Variants in ZDHHC14 observed in about 807,000 individuals in gnomAD.
The protein encoded by ZDHHC14 is zDHHC palmitoyltransferase 14.
ZDHHC14 carries 16 observed loss-of-function variants against 47.7 expected under a neutral mutation model. The observed-to-expected ratio is 0.34, with a 90% CI of 0.23 to 0.51. The LOEUF (loss-of-function observed/expected upper bound fraction) is 0.51. Ranked by LOEUF, ZDHHC14 falls within the 20% of genes least tolerant of loss-of-function variation. The pLI is 0.97. For missense variants in ZDHHC14, 515 were observed against 662.5 expected, an observed-to-expected ratio of 0.78 and a Z score of 2.44; for synonymous variants, 293 against 278.9, an observed-to-expected ratio of 1.05 and a Z score of -0.50.
intron 1 of ZDHHC14, among the ~76,000 whole-genome samples, chr6:157,441,075 T>G (rs1562425829): frequency 1.3e-5 from 2 of 152,254 alleles, no homozygotes; most frequent in Admixed American, 1.3e-4. Context: ...GATTTCCTTT[T>G]CTGTCTCTTT....
At position 157,495,695 on chromosome 6, in the gene ZDHHC14, A is replaced by ATTTTTTTTTTT. The variant is rs71027341; in HGVS notation, c.246-46873_246-46863dup. 2.1e-3 allele frequency among the ~76,000 whole-genome samples: 217 copies of ATTTTTTTTTTT among 104,334 alleles called. 10 individuals carry two copies. The highest frequency in any genetic ancestry group is 7.4e-3 in the Admixed American group (59 of 7,930). 68.4% of individuals were successfully genotyped at this position (104,334 alleles called of 152,430 possible). ...GGAAATGTTGAGAAGTTCGGGTTGA[A>ATTTTTTTTTTT]TTTTTTTTTTTTTTTTTTTTTTTTT... is the stretch of plus-strand genomic sequence containing the variant. On this transcript the variant is annotated intron_variant, in intron 1 of 8. Transcript: ENST00000359775.
intron 3 of ZDHHC14, among the ~76,000 whole-genome samples, chr6:157,611,037 T>A (rs551260370): frequency 6.6e-6 from 1 of 152,354 alleles, no homozygotes; most frequent in South Asian, 2.1e-4. Flanking sequence ...TTTTGTTTTT[T>A]GAGACAGGGT....
intron 3 of ZDHHC14, among the ~76,000 whole-genome samples, chr6:157,620,611 G>A (rs1785150339): frequency 6.6e-6 from 1 of 152,210 alleles, no homozygotes; most frequent in African/African-American, 2.4e-5. Context: ...CCACACATGG[G>A]CAGGTTCTTT....
chr6:157,659,364 C>T (rs1455075880), intron 8 of ZDHHC14, among the ~76,000 whole-genome samples: 1 of 152,232 alleles, frequency 6.6e-6, no homozygotes, highest in Admixed American at 6.5e-5. Context: ...GGTCTCCGGG[C>T]CCCGCACTGT....
intron 8 of ZDHHC14, among the ~76,000 whole-genome samples, chr6:157,668,897 C>T (rs759619476): frequency 1.3e-5 from 2 of 152,172 alleles, no homozygotes; most frequent in African/African-American, 4.8e-5. Flanking sequence ...CATGGCAAAG[C>T]ACCAGTAGGT....
chr6:157,612,062 G>GC (rs1188012293), intron 3 of ZDHHC14, among the ~76,000 whole-genome samples: 2 of 152,112 alleles, frequency 1.3e-5, no homozygotes, highest in Non-Finnish European at 2.9e-5. Flanking sequence ...CTGAGGGCCA[G>GC]CCCCATTCAC....
At chr6:157,668,522 T>TAAA (rs34696696) in intron 8 of ZDHHC14, among the ~76,000 whole-genome samples, 6 of 123,930 alleles carry the variant, frequency 4.8e-5, no homozygotes, top group Non-Finnish European at 1.7e-5. Context: ...CCATCTCCAC[T>TAAA]AAAAAAAAAA....
At chr6:157,492,129 C>T (rs915975308) in intron 1 of ZDHHC14, among the ~76,000 whole-genome samples, 2 of 151,798 alleles carry the variant, frequency 1.3e-5, no homozygotes, top group African/African-American at 4.8e-5. Flanking sequence ...CCCCTCTCAC[C>T]GGGGAGGAAA....
At chr6:157,555,216 G>A (rs936671895) in intron 2 of ZDHHC14, among the ~76,000 whole-genome samples, 6 of 152,092 alleles carry the variant, frequency 3.9e-5, no homozygotes, top group Non-Finnish European at 5.9e-5. Context: ...TGAGGTTTTC[G>A]TATCTTACAT....
At chr6:157,434,827 C>T (rs1454565514) in intron 1 of ZDHHC14, among the ~76,000 whole-genome samples, 2 of 152,120 alleles carry the variant, frequency 1.3e-5, no homozygotes, top group African/African-American at 2.4e-5. Flanking sequence ...AAACTGGACC[C>T]GCTCCATGAC....
intron 1 of ZDHHC14, among the ~76,000 whole-genome samples, chr6:157,531,591 C>T (rs1226094385): frequency 1.3e-5 from 2 of 152,052 alleles, no homozygotes; most frequent in Non-Finnish European, 2.9e-5. Context: ...TGATTTGCCC[C>T]ACCCCCCAAC....
chr6:157,488,102 G>A (rs1341430177), intron 1 of ZDHHC14, among the ~76,000 whole-genome samples: 3 of 152,272 alleles, frequency 2.0e-5, no homozygotes, highest in South Asian at 2.1e-4. Flanking sequence ...TACCCACCAC[G>A]CAACCCCACC....
At chr6:157,522,156 A>C (rs1163786719) in intron 1 of ZDHHC14, among the ~76,000 whole-genome samples, 1 of 152,022 alleles carries the variant, frequency 6.6e-6, no homozygotes, top group Non-Finnish European at 1.5e-5. Context: ...TGACCTCAAT[A>C]CCTACCCGTA....
At chr6:157,544,147 A>T (rs1429764784) in intron 2 of ZDHHC14, among the ~76,000 whole-genome samples, 1 of 152,196 alleles carries the variant, frequency 6.6e-6, no homozygotes, top group African/African-American at 2.4e-5. Flanking sequence ...GAGGAGAGAG[A>T]GGGAAGTCAA....
chr6:157,542,858 A>C, intron 2 of ZDHHC14, 113 bp downstream of exon 2: 1 of 1,336,736 alleles, frequency 7.5e-7, no homozygotes. Context: ...GGAAGGAAGG[A>C]GGCCAGAAGT....
At chr6:157,576,289 A>G (rs1783305789) in intron 2 of ZDHHC14, among the ~76,000 whole-genome samples, 1 of 152,268 alleles carries the variant, frequency 6.6e-6, no homozygotes, top group African/African-American at 2.4e-5. Context: ...TATATTATTA[A>G]GAAAATTTCA....
intron 1 of ZDHHC14, among the ~76,000 whole-genome samples, chr6:157,531,172 G>A (rs961173714): frequency 6.6e-6 from 1 of 152,052 alleles, no homozygotes; most frequent in Non-Finnish European, 1.5e-5. Flanking sequence ...CAGATGTCCC[G>A]GGTCTGCTCT....
At chr6:157,628,653 C>T in intron 4 of ZDHHC14, 167 bp downstream of exon 4, 1 of 821,038 alleles carries the variant, frequency 1.2e-6, no homozygotes, top group Non-Finnish European at 1.9e-6. Flanking sequence ...TTCTCACCCT[C>T]CTCCATCCCT....
intron 1 of ZDHHC14, among the ~76,000 whole-genome samples, chr6:157,422,413 C>T (rs775389832): frequency 4.6e-5 from 7 of 152,116 alleles, no homozygotes; most frequent in Non-Finnish European, 7.3e-5. Context: ...TCTGTACTTC[C>T]ATCCCACACA....
Sources: allele counts gnomAD v4.1 joint callset (sites outside exome capture counted in the v4.1 genomes callset), GRCh38; gene constraint gnomAD v4.1.1; transcripts MANE v1.5; gene names NCBI Gene and HGNC (gene_info 2026-07-23, HGNC 2026-07-21).